The following SCAMP1 variants were observed in gnomAD, a reference collection of about 807,000 sequenced individuals.
SCAMP1 encodes secretory carrier membrane protein 1, also known as secretory carrier-associated membrane protein 1.
In SCAMP1, 15 loss-of-function variants were observed where a neutral mutation model predicts 41.8. The ratio of observed to expected loss-of-function variants is 0.36; its 90% CI spans 0.24 to 0.55. The LOEUF is 0.55. SCAMP1 is among the 20% of genes least tolerant of loss of function. The pLI is 0.86. For missense variants in SCAMP1, 341 were observed against 412.6 expected (o/e 0.83, Z 1.50); for synonymous variants, 135 against 136.8 (o/e 0.99, Z 0.09).
At chr5:78,435,829 T>G (rs1752738886) in intron 6 of SCAMP1, among the ~76,000 whole-genome samples, 1 of 152,228 alleles carries the variant, frequency 6.6e-6, no homozygotes, top group African/African-American at 2.4e-5. Flanking sequence ...TGAACTAATT[T>G]ACATTCCCAT....
At chr5:78,402,922 AGTGCAGTGGCTCAATCCCCGAT>A (rs1408971329) in intron 2 of SCAMP1, among the ~76,000 whole-genome samples, 2 of 151,982 alleles carry the variant, frequency 1.3e-5, no homozygotes, top group African/African-American at 2.4e-5. Flanking sequence ...CCCAGGCTGG[AGTGCAGTGGCTCAATCCCCGAT>A]CTCAGCTCAC....
intron 2 of SCAMP1, among the ~76,000 whole-genome samples, chr5:78,399,703 G>A (rs1751752118): frequency 1.3e-5 from 2 of 152,226 alleles, no homozygotes; most frequent in South Asian, 4.1e-4. Flanking sequence ...TTTGGATAAC[G>A]GTTCTTTATC....
At chr5:78,418,462 G>C (rs1346686013) in intron 4 of SCAMP1, among the ~76,000 whole-genome samples, 1 of 152,182 alleles carries the variant, frequency 6.6e-6, no homozygotes, top group Non-Finnish European at 1.5e-5. Flanking sequence ...TTTTAGGGTA[G>C]AAGCACTGGA....
intron 2 of SCAMP1, among the ~76,000 whole-genome samples, chr5:78,400,780 T>G (rs1450555667): frequency 6.6e-6 from 1 of 152,224 alleles, no homozygotes; most frequent in Non-Finnish European, 1.5e-5. Context: ...TTGATGATCT[T>G]GTTATCTGTG....
intron 8 of SCAMP1, among the ~76,000 whole-genome samples, chr5:78,470,358 C>A (rs1753857250): frequency 6.6e-6 from 1 of 152,180 alleles, no homozygotes; most frequent in Non-Finnish European, 1.5e-5. Context: ...CAGCCTCTGG[C>A]AGCCTCTAAT....
intron 1 of SCAMP1, among the ~76,000 whole-genome samples, chr5:78,366,951 CA>C (rs578031671): frequency 8.0e-4 from 114 of 143,136 alleles, no homozygotes; most frequent in African/African-American, 2.6e-3. Flanking sequence ...AAAAAACAAA[CA>C]AAAAAAAGAT....
chr5:78,367,298 A>G (rs1035586302), intron 1 of SCAMP1, among the ~76,000 whole-genome samples: 4 of 152,202 alleles, frequency 2.6e-5, no homozygotes, highest in African/African-American at 7.2e-5. Flanking sequence ...TAAAATAACA[A>G]TTATTTGCTC....
chr5:78,410,347 G>T (rs943423156), intron 2 of SCAMP1, among the ~76,000 whole-genome samples: 1 of 151,388 alleles, frequency 6.6e-6, no homozygotes, highest in African/African-American at 2.4e-5. Flanking sequence ...CCCACCATGT[G>T]TCCATGTGTT....
At chr5:78,376,273 A>G (rs781175598) in intron 1 of SCAMP1, among the ~76,000 whole-genome samples, 4 of 152,236 alleles carry the variant, frequency 2.6e-5, no homozygotes, top group Non-Finnish European at 5.9e-5. Flanking sequence ...GAGATATTTT[A>G]CATTGTTTTG....
At chr5:78,472,191 A>G (rs1753896647) in intron 8 of SCAMP1, among the ~76,000 whole-genome samples, 2 of 152,248 alleles carry the variant, frequency 1.3e-5, no homozygotes, top group South Asian at 4.1e-4. Context: ...TTAAGCAACC[A>G]TCAACTGGTG....
intron 2 of SCAMP1, among the ~76,000 whole-genome samples, chr5:78,404,115 CAAAAA>C (rs34209617): frequency 5.6e-5 from 7 of 124,526 alleles, no homozygotes; most frequent in Non-Finnish European, 8.4e-5. Context: ...GACCCTGTCT[CAAAAA>C]AAAAAAAAAA....
intron 1 of SCAMP1, among the ~76,000 whole-genome samples, chr5:78,372,888 ATTAT>A (rs1291080190): frequency 9.3e-5 from 14 of 150,950 alleles, no homozygotes; most frequent in Admixed American, 6.0e-4. Context: ...ATCTTGCATT[ATTAT>A]TTATTTTCTT....
rs1554041761 is a variant in SCAMP1 at position 78,387,378 on chromosome 5, T to TA, written c.58-1457dup. On this transcript the variant is annotated intron_variant, in intron 1 of 8. Coordinates refer to ENST00000621999, the MANE Select transcript of SCAMP1 (RefSeq NM_004866.6). The stretch of plus-strand genomic sequence containing the variant: ...ATCCTGTATCTTTTTTTTTTTTTTT[T>TA]AATTTCTTTAAGTTGGCCTTTACCT... Among the ~76,000 whole-genome samples the TA allele has an allele frequency of 2.3e-3, 330 of 142,898 alleles. 1 individual carries two copies. Among genetic ancestry groups the TA allele is most frequent in the African/African-American group, 8.0e-3 (309 of 38,762 alleles). The allele number at this position is 142,898 out of a possible 152,430, so 93.7% of individuals were successfully genotyped here.
intron 6 of SCAMP1, among the ~76,000 whole-genome samples, chr5:78,443,150 T>TTG (rs1463118794): frequency 4.8e-5 from 7 of 146,320 alleles, no homozygotes; most frequent in Non-Finnish European, 8.9e-5. Context: ...GAGGCAGAGC[T>TTG]TGCAGTGAGC....
rs1327633600 is a variant in SCAMP1 at position 78,476,077 on chromosome 5, C to T, written c.*409C>T. 5.2e-5 allele frequency: 8 copies of T among 152,700 alleles called. No individual in the cohort carries two copies. Among genetic ancestry groups the T allele is most frequent in the African/African-American group, 1.7e-4 (7 of 41,420 alleles). 9.5% of individuals were successfully genotyped at this position (152,700 alleles called of 1,614,324 possible). ...TAAACCATGTTTCATTCCTTTTTCC[C>T]TATTTATATTGAAAGAAATAGGCCA... On this transcript the variant is annotated 3_prime_UTR_variant, in exon 9 of 9. Coordinates refer to ENST00000621999, the MANE Select transcript of SCAMP1 (RefSeq NM_004866.6).
At chr5:78,404,870 G>C (rs186623559) in intron 2 of SCAMP1, among the ~76,000 whole-genome samples, 1 of 152,144 alleles carries the variant, frequency 6.6e-6, no homozygotes, top group Non-Finnish European at 1.5e-5. Flanking sequence ...TGAGTTCCTG[G>C]AGATAAAACA....
intron 1 of SCAMP1, among the ~76,000 whole-genome samples, chr5:78,367,547 C>T (rs960265978): frequency 2.6e-5 from 4 of 152,166 alleles, no homozygotes; most frequent in Non-Finnish European, 4.4e-5. Flanking sequence ...TCCCAGAGGG[C>T]AAGAGCTGAA....
rs545160775 is a variant in SCAMP1, at chr5:78,452,633, A to G, written c.734+2599A>G. On this transcript the variant is annotated intron_variant, in intron 7 of 8. Coordinates refer to ENST00000621999, the MANE Select transcript of SCAMP1 (RefSeq NM_004866.6). ...TTCCAAGTCTTTGCCATTGTGAATA[A>G]TGCTGCAATAAACATACGTGTGCAT... 1.1e-4 allele frequency among the ~76,000 whole-genome samples: 17 copies of G among 151,060 alleles called. 1 individual carries two copies. In the East Asian group the frequency reaches 2.9e-3, roughly 26 times the overall value.
At position 78,418,760 on chromosome 5, in the gene SCAMP1, A is replaced by T. The variant is rs1236714055; in HGVS notation, c.344-15A>T. On this transcript the variant is annotated splice_polypyrimidine_tract_variant and intron_variant, in intron 4 of 8. Transcript: ENST00000621999. The stretch of plus-strand genomic sequence containing the variant: ...AATATAAATAACCTTTTCTTTTTCT[A>T]AAAAAAATTTACAGGTAGAAAAAAT... 7.0e-7 allele frequency: 1 copy of T among 1,429,610 alleles called. No homozygotes were observed. Among genetic ancestry groups the T allele is most frequent in the Admixed American group, 2.6e-5 (1 of 38,568 alleles). 88.6% of individuals were successfully genotyped at this position (1,429,610 alleles called of 1,614,324 possible).
Sources: gnomAD v4.1 joint callset for allele counts (sites outside exome capture counted in the v4.1 genomes callset) on GRCh38, gnomAD v4.1.1 for gene constraint, MANE v1.5 for transcripts, NCBI Gene and HGNC (gene_info 2026-07-23, HGNC 2026-07-21) for gene names.